Variants in TNRC6B observed in about 807,000 individuals in gnomAD.
TNRC6B encodes trinucleotide repeat-containing gene 6B protein.
In TNRC6B, 52 loss-of-function variants were observed where a neutral mutation model predicts 203.6. The ratio of observed to expected loss-of-function variants is 0.26; its 90% CI spans 0.20 to 0.32. The LOEUF (loss-of-function observed/expected upper bound fraction) is 0.32. TNRC6B is among the 10% of genes least tolerant of loss of function. The probability of loss-of-function intolerance (pLI) is 1.00; values close to 1 mark genes in which losing one functional copy is unlikely to be tolerated. For synonymous variants in TNRC6B, 838 were observed against 845.7 expected, an observed-to-expected ratio of 0.99 and a Z score of 0.16; for missense variants, 1,923 against 2,286.2, an observed-to-expected ratio of 0.84 and a Z score of 3.24.
intron 1 of TNRC6B, among the ~76,000 whole-genome samples, chr22:40,075,156 A>ATTTTTTTTTTT (rs58240994): frequency 8.4e-5 from 3 of 35,558 alleles, no homozygotes; most frequent in East Asian, 7.5e-4. Context: ...ATATATATAT[A>ATTTTTTTTTTT]TTTTTTTTTT....
chr22:40,053,653 T>C (rs2089711710), intron 1 of TNRC6B, among the ~76,000 whole-genome samples: 1 of 152,236 alleles, frequency 6.6e-6, no homozygotes, highest in African/African-American at 2.4e-5. Context: ...ACTATTGTAG[T>C]CATCTTTGCA....
At chr22:40,119,868 C>CA (rs1199363929) in intron 2 of TNRC6B, among the ~76,000 whole-genome samples, 2 of 151,940 alleles carry the variant, frequency 1.3e-5, no homozygotes, top group Non-Finnish European at 2.9e-5. Context: ...TTGCCCTAGA[C>CA]ACAACCATAA....
chr22:40,286,189 C>T (rs1025536469), intron 12 of TNRC6B, among the ~76,000 whole-genome samples: 1 of 152,162 alleles, frequency 6.6e-6, no homozygotes, highest in African/African-American at 2.4e-5. Flanking sequence ...AAAGAGAATT[C>T]AGCCTGGCAC....
intron 1 of TNRC6B, among the ~76,000 whole-genome samples, chr22:40,225,516 G>A (rs902149502): frequency 2.0e-4 from 31 of 152,104 alleles, no homozygotes; most frequent in African/African-American, 7.0e-4. Flanking sequence ...ACCACTTGAG[G>A]TCAGGAGTTC....
chr22:40,263,682 C>A (rs2070422615), intron 4 of TNRC6B, among the ~76,000 whole-genome samples: 1 of 152,168 alleles, frequency 6.6e-6, no homozygotes, highest in Admixed American at 6.5e-5. Context: ...GTTTTTCCCA[C>A]CAAATATGGT....
intron 5 of TNRC6B, among the ~76,000 whole-genome samples, chr22:40,268,435 G>GT (rs1000002209): frequency 2.0e-5 from 3 of 152,088 alleles, no homozygotes; most frequent in African/African-American, 7.2e-5. Flanking sequence ...TAATCCATTT[G>GT]TGGCCTCTTA....
rs564436590 is a variant in TNRC6B at position 40,272,718 on chromosome 22, C to A, written c.2966-707C>A. Among the ~76,000 whole-genome samples the A allele has an allele frequency of 7.9e-5, 12 of 152,288 alleles. No homozygotes were observed. In the East Asian group the frequency reaches 2.3e-3, roughly 29 times the overall value. The stretch of plus-strand genomic sequence containing the variant: ...GTCCCACTTCCTCAAACATTAAAGC[C>A]TCTTGGATTTCTCTCTGCTTTCCTT... On this transcript the variant is annotated intron_variant, in intron 6 of 22. Coordinates refer to ENST00000454349, the MANE Select transcript of TNRC6B (RefSeq NM_001162501.2).
chr22:40,325,712 T>C lies in TNRC6B; in HGVS notation c.*2471T>C, dbSNP rs2146586635. On this transcript the variant is annotated 3_prime_UTR_variant, in exon 23 of 23. Coordinates refer to ENST00000454349, the MANE Select transcript of TNRC6B (RefSeq NM_001162501.2). ...GTGAAGAGCAGCTTGTATTCAGACA[T>C]CTAGAGAAGGTTAAATCTTAGTGTC... is the stretch of plus-strand genomic sequence containing the variant. 1 of 152,718 alleles carries C rather than the reference T, an allele frequency of 6.5e-6. No homozygotes were observed. The highest frequency in any genetic ancestry group is 1.5e-5 in the Non-Finnish European group (1 of 68,038). 9.5% of individuals were successfully genotyped at this position (152,718 alleles called of 1,614,324 possible).
chr22:40,139,242 T>C (rs1165499258), intron 3 of TNRC6B, among the ~76,000 whole-genome samples: 1 of 152,174 alleles, frequency 6.6e-6, no homozygotes, highest in Non-Finnish European at 1.5e-5. Context: ...GCATCATGTT[T>C]TCAAGGCTAT....
chr22:40,265,191 A>G lies in TNRC6B; in HGVS notation c.961A>G (p.Arg321Gly), dbSNP rs1394042244. The change falls in exon 5 of 23, where the codon AGG becomes GGG. Residue 321 changes from arginine to glycine, a missense_variant. Transcript: ENST00000454349. ...WPALVQEGTS[R>G]KGALETDNSN... ...AGCACTGGTCCAAGAAGGAACTTCT[A>G]GGAAAGGGGCATTGGAAACAGATAA... The G allele has an allele frequency of 5.6e-6, 9 of 1,614,044 alleles. No homozygotes were observed. Among genetic ancestry groups the G allele is most frequent in the Non-Finnish European group, 7.6e-6 (9 of 1,179,894 alleles).
intron 21 of TNRC6B, among the ~76,000 whole-genome samples, chr22:40,317,510 AG>A (rs2071275656): frequency 6.6e-6 from 1 of 152,178 alleles, no homozygotes; most frequent in African/African-American, 2.4e-5. Flanking sequence ...CCTAGGAGGC[AG>A]AGGTTGCAGT....
Position 40,322,947 on chromosome 22 carries a change from A to G in TNRC6B, c.5208A>G (p.Ala1736=), listed in dbSNP as rs770006830. The change falls in exon 23 of 23, where the codon GCA becomes GCG. Residue 1736 remains alanine, a synonymous_variant. Coordinates refer to ENST00000454349, the MANE Select transcript of TNRC6B (RefSeq NM_001162501.2). Reference sequence around the variant, plus strand: ...CACAAGCTCAGCCCCCTACACCTGCAGCAACCCCAAGTGCGCCAGCTGCGG... The same window carrying G: ...CACAAGCTCAGCCCCCTACACCTGCGGCAACCCCAAGTGCGCCAGCTGCGG... The part of the protein sequence containing the change: ...FLAQAQPPTP[A]ATPSAPAAGW... 6.2e-7 allele frequency: 1 copy of G among 1,613,670 alleles called. No individual in the cohort carries two copies. Among genetic ancestry groups the G allele is most frequent in the Non-Finnish European group, 8.5e-7 (1 of 1,179,708 alleles).
chr22:40,270,389 G>T, intron 6 of TNRC6B, 109 bp downstream of exon 6: 1 of 1,103,608 alleles, frequency 9.1e-7, no homozygotes, highest in Non-Finnish European at 1.2e-6. Context: ...GTGCAATTTC[G>T]GCTCACTGCA....
At chr22:40,056,882 T>C (rs1052205991) in intron 1 of TNRC6B, among the ~76,000 whole-genome samples, 1 of 151,674 alleles carries the variant, frequency 6.6e-6, no homozygotes, top group African/African-American at 2.4e-5. Flanking sequence ...AAAATGGAAG[T>C]TGCTTGAATA....
At chr22:40,186,397 C>G (rs770321923) in intron 1 of TNRC6B, among the ~76,000 whole-genome samples, 5 of 152,032 alleles carry the variant, frequency 3.3e-5, no homozygotes, top group African/African-American at 7.2e-5. Context: ...CCAGTAGGAA[C>G]AGAATGCAAG....
intron 1 of TNRC6B, among the ~76,000 whole-genome samples, chr22:40,073,511 G>A (rs2067974133): frequency 1.3e-5 from 2 of 151,980 alleles, no homozygotes; most frequent in South Asian, 2.1e-4. Flanking sequence ...GGGGGTGCTG[G>A]GAACTATGAC....
chr22:40,300,784 G>A (rs749652109), intron 13 of TNRC6B, 126 bp from the exon 14 acceptor site: 3 of 1,198,032 alleles, frequency 2.5e-6, no homozygotes, highest in African/African-American at 3.1e-5. Flanking sequence ...CGGGAATTTG[G>A]TGTTACTTCC....
intron 12 of TNRC6B, among the ~76,000 whole-genome samples, chr22:40,294,073 C>CAA (rs11354611): frequency 1.5e-3 from 120 of 80,158 alleles, no homozygotes; most frequent in African/African-American, 1.6e-3. Context: ...CCCATCTCTA[C>CAA]AAAAAAAAAA....
At chr22:40,260,236 G>T (rs2070357743) in intron 3 of TNRC6B, among the ~76,000 whole-genome samples, 2 of 150,036 alleles carry the variant, frequency 1.3e-5, no homozygotes, top group African/African-American at 2.5e-5. Context: ...AAAAAGATTT[G>T]TAACATTTCT....
Sources: allele counts gnomAD v4.1 joint callset (sites outside exome capture counted in the v4.1 genomes callset), GRCh38; gene constraint gnomAD v4.1.1; transcripts MANE v1.5; gene names NCBI Gene and HGNC (gene_info 2026-07-23, HGNC 2026-07-21).